The following PHACTR2 variants were observed in gnomAD, a reference collection of about 807,000 sequenced individuals.
PHACTR2 encodes phosphatase and actin regulator 2.
PHACTR2 carries 30 observed loss-of-function variants against 76.0 expected under a neutral mutation model. The ratio of observed to expected loss-of-function variants is 0.39; its 90% CI spans 0.30 to 0.54. The LOEUF is 0.54. PHACTR2 is among the 20% of genes least tolerant of loss of function. The pLI is 0.61. For synonymous variants in PHACTR2, 292 were observed against 292.5 expected (o/e 1.00, Z 0.02); for missense variants, 696 against 781.1 (o/e 0.89, Z 1.30).
rs1046436786 is a variant in PHACTR2 at position 143,738,875 on chromosome 6, A to C, written c.215-10110A>C. Among the ~76,000 whole-genome samples the C allele has an allele frequency of 9.2e-5, 14 of 152,278 alleles. No homozygotes were observed. Among genetic ancestry groups the C allele is most frequent in the African/African-American group, 3.4e-4 (14 of 41,546 alleles). On this transcript the variant is annotated intron_variant, in intron 2 of 12. Coordinates refer to ENST00000440869, the MANE Select transcript of PHACTR2 (RefSeq NM_001100164.2). The surrounding 1 kb of genome is among the most constrained non-coding windows in gnomAD (Gnocchi z 4.0). ...AATCTTGCTTGCTGTTGACTGATGAAATGAGATATTATCCCATCTTGATCA... is the reference window on the plus strand; with the variant it reads ...AATCTTGCTTGCTGTTGACTGATGACATGAGATATTATCCCATCTTGATCA...
rs1372448613 is a variant in PHACTR2 at position 143,647,397 on chromosome 6, T to A, written c.13+39075T>A. ...CTTTTCTCCTCTCAAAATTCTGCAG[T>A]AAATGGAAACCATTTCACATGTGTT... On this transcript the variant is annotated intron_variant, in intron 1 of 11. Coordinates refer to the PHACTR2 transcript ENST00000305766. This position sits in a 1 kb window ranked among gnomAD's most constrained non-coding sequence, Gnocchi z 4.2. Among the ~76,000 whole-genome samples the A allele has an allele frequency of 6.6e-6, 1 of 152,236 alleles. No individual in the cohort carries two copies. Among genetic ancestry groups the A allele is most frequent in the Non-Finnish European group, 1.5e-5 (1 of 68,042 alleles).
At position 143,700,210 on chromosome 6, in the gene PHACTR2, G is replaced by A. The variant is rs1777874701; in HGVS notation, c.47-11806G>A. ...TTTGTGTTACATTCATCCTCAATGG[G>A]AATTTTTTCATAATTTTGTCTGAAA... On this transcript the variant is annotated intron_variant, in intron 1 of 12. Transcript: ENST00000440869. The surrounding 1 kb of genome is among the most constrained non-coding windows in gnomAD (Gnocchi z 4.1). Among the ~76,000 whole-genome samples the A allele has an allele frequency of 6.6e-6, 1 of 152,078 alleles. No homozygotes were observed. Among genetic ancestry groups the A allele is most frequent in the Non-Finnish European group, 1.5e-5 (1 of 68,038 alleles).
At chr6:143,815,883 C>T (rs1776284393) in intron 12 of PHACTR2, among the ~76,000 whole-genome samples, 1 of 117,304 alleles carries the variant, frequency 8.5e-6, no homozygotes, top group East Asian at 2.4e-4. Context: ...AAGAGCAAGA[C>T]TCTGTCTCAA....
At chr6:143,574,414 T>A in intron 1 of PHACTR2, among the ~76,000 whole-genome samples, 1 of 152,206 alleles carries the variant, frequency 6.6e-6, no homozygotes, top group East Asian at 1.9e-4. Context: ...AGGTCTGTCC[T>A]CCATGCTACC....
chr6:143,714,537 C>T (rs189486210), intron 2 of PHACTR2, among the ~76,000 whole-genome samples: 35 of 152,334 alleles, frequency 2.3e-4, no homozygotes, highest in African/African-American at 6.7e-4. Flanking sequence ...GCTCATTCTA[C>T]GTCTAAAGGA....
intron 1 of PHACTR2, among the ~76,000 whole-genome samples, chr6:143,615,329 C>A (rs763631815): frequency 2.9e-4 from 44 of 152,202 alleles, no homozygotes; most frequent in Non-Finnish European, 5.7e-4. Context: ...CATTGAGCAC[C>A]GTGCTTGGGC....
chr6:143,706,257 G>C (rs919472359), intron 1 of PHACTR2, among the ~76,000 whole-genome samples: 2 of 152,192 alleles, frequency 1.3e-5, no homozygotes, highest in Non-Finnish European at 2.9e-5. Context: ...AGGAGGTGGT[G>C]CTTGCCTATT....
At position 143,765,331 on chromosome 6, in the gene PHACTR2, A is replaced by G. The variant is rs749354271; in HGVS notation, c.765A>G (p.Ser255=). 3 of 1,614,204 alleles carry G rather than the reference A, an allele frequency of 1.9e-6. No individual in the cohort carries two copies. The highest frequency in any genetic ancestry group is 2.5e-6 in the Non-Finnish European group (3 of 1,180,040). The stretch of plus-strand genomic sequence containing the variant: ...CTTCGCCATCCACTTCATCCACCTC[A>G]TCTCGTCCCAAAGCTTCAAAGGAGA... ...ASASPSTSST[S]SRPKASKETV... is the part of the protein sequence containing the mutation. Residue 255 remains serine (S), a synonymous_variant, in exon 6 of 13, where the codon TCA becomes TCG. Coordinates refer to ENST00000440869, the MANE Select transcript of PHACTR2 (RefSeq NM_001100164.2). This position sits in a 1 kb window ranked among gnomAD's most constrained non-coding sequence, Gnocchi z 4.1.
chr6:143,741,119 A>G (rs1432752133), intron 2 of PHACTR2, among the ~76,000 whole-genome samples: 5 of 149,772 alleles, frequency 3.3e-5, no homozygotes, highest in Non-Finnish European at 7.5e-5. Flanking sequence ...ATGGTGGCGC[A>G]TGCCTGTAAT....
chr6:143,735,178 T>C (rs1393941521), intron 2 of PHACTR2, among the ~76,000 whole-genome samples: 3 of 152,192 alleles, frequency 2.0e-5, no homozygotes, highest in Non-Finnish European at 4.4e-5. Flanking sequence ...AAGCCTAGAC[T>C]GTAAGTTTTG....
upstream of PHACTR2, among the ~76,000 whole-genome samples, chr6:143,675,955 G>A (rs1011492380): frequency 7.9e-5 from 12 of 152,158 alleles, no homozygotes; most frequent in African/African-American, 2.9e-4. This position sits in a 1 kb window ranked among gnomAD's most constrained non-coding sequence, Gnocchi z 4.9. Flanking sequence ...AGAGATTTCT[G>A]TAGACGTTTT....
At chr6:143,657,663 C>T (rs1246627838) in intron 1 of PHACTR2, among the ~76,000 whole-genome samples, 1 of 152,176 alleles carries the variant, frequency 6.6e-6, no homozygotes, top group Non-Finnish European at 1.5e-5. Context: ...TCAGATTGAG[C>T]AGATTGGGGA....
intron 12 of PHACTR2, among the ~76,000 whole-genome samples, chr6:143,808,761 G>A (rs1582902090): frequency 6.6e-6 from 1 of 151,904 alleles, no homozygotes; most frequent in South Asian, 2.1e-4. Context: ...CATGTAGAGC[G>A]TTCCAACATC....
chr6:143,555,923 C>CTT (rs11325694), intron 1 of PHACTR2, among the ~76,000 whole-genome samples: 1 of 138,906 alleles, frequency 7.2e-6, no homozygotes, highest in African/African-American at 2.7e-5. Context: ...TGACATTTAG[C>CTT]TTTTTTTTTT....
chr6:143,789,709 A>G lies in PHACTR2; in HGVS notation c.1845+799A>G, dbSNP rs1381605382. Among the ~76,000 whole-genome samples, 2 of 152,168 alleles carry G rather than the reference A, an allele frequency of 1.3e-5. No homozygotes were observed. Among genetic ancestry groups the G allele is most frequent in the Non-Finnish European group, 2.9e-5 (2 of 68,036 alleles). The stretch of plus-strand genomic sequence containing the variant: ...AAGTACTTTTGCTTAAACATGCCAC[A>G]TCTTAATGCTAAAACTAGGCATTTA... On this transcript the variant is annotated intron_variant, in intron 11 of 12. Transcript: ENST00000440869. This position sits in a 1 kb window ranked among gnomAD's most constrained non-coding sequence, Gnocchi z 5.1.
chr6:143,576,054 T>C (rs1775503371), intron 1 of PHACTR2, among the ~76,000 whole-genome samples: 1 of 152,258 alleles, frequency 6.6e-6, no homozygotes, highest in Non-Finnish European at 1.5e-5. Context: ...TAAATTGATG[T>C]CCAACAGAAC....
intron 1 of PHACTR2, among the ~76,000 whole-genome samples, chr6:143,574,002 C>T (rs139698020): frequency 2.0e-5 from 3 of 152,318 alleles, no homozygotes; most frequent in Non-Finnish European, 4.4e-5. Flanking sequence ...GCGAGCAGCT[C>T]AGCTGGGTTC....
At chr6:143,703,711 G>A (rs1777968786) in intron 1 of PHACTR2, among the ~76,000 whole-genome samples, 1 of 151,942 alleles carries the variant, frequency 6.6e-6, no homozygotes, top group Non-Finnish European at 1.5e-5. Context: ...CCTTAATGCC[G>A]ATTATTTTTA....
Position 143,639,376 on chromosome 6 carries a change from T to C in PHACTR2, c.13+31054T>C, listed in dbSNP as rs903430125. 1.3e-4 allele frequency among the ~76,000 whole-genome samples: 20 copies of C among 152,234 alleles called. No individual in the cohort carries two copies. The highest frequency in any genetic ancestry group is 2.0e-4 in the Admixed American group (3 of 15,286). Reference sequence around the variant, plus strand: ...GTGTTTATGCCATCAAGGCTATCATTGCTCAAAACATTTCAAAAATTACTA... The same window carrying C: ...GTGTTTATGCCATCAAGGCTATCATCGCTCAAAACATTTCAAAAATTACTA... On this transcript the variant is annotated intron_variant, in intron 1 of 11. Transcript: ENST00000305766. The surrounding 1 kb of genome is among the most constrained non-coding windows in gnomAD (Gnocchi z 5.0).
Sources: gnomAD v4.1 joint callset for allele counts (sites outside exome capture counted in the v4.1 genomes callset) on GRCh38, gnomAD v4.1.1 for gene constraint, Gnocchi (gnomAD v3.1) non-coding constraint, MANE v1.5 for transcripts, NCBI Gene and HGNC (gene_info 2026-07-23, HGNC 2026-07-21) for gene names.